FANCM: variants seen among roughly 807,000 people sequenced by gnomAD.
The protein encoded by FANCM is Fanconi anemia group M protein.
Under a neutral mutation model 199.5 loss-of-function variants are expected in FANCM, and 140 were observed. The observed-to-expected ratio is 0.70, with a 90% CI of 0.61 to 0.81. FANCM has a LOEUF of 0.81. Among genes scored for constraint, FANCM ranks in the 30% least tolerant of loss-of-function variants. FANCM has a pLI of 0.00. For synonymous variants in FANCM, 840 were observed against 836.8 expected, an observed-to-expected ratio of 1.00 and a Z score of -0.07; for missense variants, 2,410 against 2,421.4, an observed-to-expected ratio of 1.00 and a Z score of 0.10.
intron 18 of FANCM, among the ~76,000 whole-genome samples, chr14:45,185,757 T>G (rs888407599): frequency 2.0e-5 from 3 of 152,182 alleles, no homozygotes; most frequent in African/African-American, 7.2e-5. Context: ...ACAGACAATA[T>G]ATATACTAAC....
In FANCM at chr14:45,166,967, G is replaced by A. The variant is rs2139214083; in HGVS notation, c.1806G>A (p.Gln602=). The A allele has an allele frequency of 1.9e-6, 3 of 1,564,026 alleles. 1 individual carries two copies. Among genetic ancestry groups the A allele is most frequent in the African/African-American group, 2.7e-5 (2 of 73,952 alleles). Residue 602 remains glutamine, a synonymous_variant, in exon 11 of 23, where the codon CAG becomes CAA. Transcript: ENST00000267430. ...GREERIYNQS[Q]SNKRSIYKAI... ...TTTTACAGATTTATAATCAGAGTCA[G>A]TCCAACAAAAGAAGTATATATAAAG...
At chr14:45,164,859 T>G (rs1887854868) in intron 10 of FANCM, among the ~76,000 whole-genome samples, 1 of 152,232 alleles carries the variant, frequency 6.6e-6, no homozygotes, top group South Asian at 2.1e-4. Flanking sequence ...TTCCTGTGCT[T>G]CTAAAGAAGG....
Position 45,175,758 on chromosome 14 carries a change from A to T in FANCM, c.3004A>T (p.Ser1002Cys). 1 of 1,613,756 alleles carries T rather than the reference A, an allele frequency of 6.2e-7. No individual in the cohort carries two copies. Among genetic ancestry groups the T allele is most frequent in the Non-Finnish European group, 8.5e-7 (1 of 1,179,814 alleles). ...RFLSYSPPPL[S>C]GLSDLEYEIA... ...TTTATCTTATTCTCCTCCGCCTCTCAGTGGACTCTCAGACTTGGAATATGA... is the reference window on the plus strand; with the variant it reads ...TTTATCTTATTCTCCTCCGCCTCTCTGTGGACTCTCAGACTTGGAATATGA... The change falls in exon 14 of 23, where the codon AGT (serine) becomes TGT (cysteine). Residue 1002 changes from serine to cysteine, a missense_variant. Ser to Cys is a moderately radical substitution (Grantham distance 112, BLOSUM62 -1). Transcript: ENST00000267430.
At chr14:45,137,705 G>C (rs1001032394) in intron 2 of FANCM, 1 of 173,004 alleles carries the variant, frequency 5.8e-6, no homozygotes, top group Non-Finnish European at 1.3e-5. Flanking sequence ...AGATGAAGTA[G>C]TGGGATGTGG....
intron 2 of FANCM, among the ~76,000 whole-genome samples, chr14:45,139,576 T>C (rs1885764207): frequency 6.6e-6 from 1 of 152,246 alleles, no homozygotes; most frequent in African/African-American, 2.4e-5. Flanking sequence ...AACCAGAAAG[T>C]GCAGATGGTG....
At chr14:45,158,676 C>G (rs1053362775) in intron 8 of FANCM, among the ~76,000 whole-genome samples, 1 of 152,060 alleles carries the variant, frequency 6.6e-6, no homozygotes, top group Admixed American at 6.6e-5. Flanking sequence ...GCCATTATGC[C>G]TGAGTTGAAG....
intron 12 of FANCM, 50 bp downstream of exon 12, chr14:45,170,796 GC>G: frequency 6.9e-7 from 1 of 1,458,388 alleles, no homozygotes; most frequent in Non-Finnish European, 9.6e-7. Context: ...TCATTTTAAT[GC>G]CAGAACCCCT....
At chr14:45,170,552 T>C in intron 11 of FANCM, 37 bp from the exon 12 acceptor site, 1 of 1,517,516 alleles carries the variant, frequency 6.6e-7, no homozygotes, top group Non-Finnish European at 9.1e-7. Context: ...TGCAGATTTT[T>C]AAAAAGTCTC....
intron 8 of FANCM, among the ~76,000 whole-genome samples, chr14:45,158,158 A>G (rs964759954): frequency 2.0e-5 from 3 of 152,216 alleles, no homozygotes; most frequent in African/African-American, 7.2e-5. Context: ...TGATGGTGCC[A>G]CTGCATTCCA....
chr14:45,174,874 T>G (rs1445843393), intron 13 of FANCM, among the ~76,000 whole-genome samples, 197 bp from the exon 14 acceptor site: 1 of 152,138 alleles, frequency 6.6e-6, no homozygotes, highest in Non-Finnish European at 1.5e-5. Context: ...GTTAACTGAT[T>G]AATGATAACT....
At position 45,136,242 on chromosome 14, in the gene FANCM, G is replaced by C; in HGVS notation, c.211G>C (p.Glu71Gln). ...CGAGGCTGAGCGGCAGTTGTGTCTA[G>C]AGAATGGCGGGTTCTGCACCTCCGC... ...AYEAERQLCL[E>Q]NGGFCTSAGA... Residue 71 changes from glutamate (E) to glutamine (Q), a missense_variant, in exon 1 of 23, where the codon GAG becomes CAG. Coordinates refer to ENST00000267430, the MANE Select transcript of FANCM (RefSeq NM_020937.4). The C allele has an allele frequency of 6.2e-7, 1 of 1,614,162 alleles. No homozygotes were observed. The highest frequency in any genetic ancestry group is 8.5e-7 in the Non-Finnish European group (1 of 1,180,026).
chr14:45,175,129 C>T lies in FANCM; in HGVS notation c.2375C>T (p.Ser792Leu). 2 of 1,612,184 alleles carry T rather than the reference C, an allele frequency of 1.2e-6. No homozygotes were observed. The highest frequency in any genetic ancestry group is 1.7e-6 in the Non-Finnish European group (2 of 1,178,852). ...ESYLQMEDVT[S>L]TFIAPRNESN... ...TATTTACAAATGGAAGATGTTACCT[C>T]AACATTTATTGCTCCCAGGAATGAA... is the stretch of plus-strand genomic sequence containing the variant. Residue 792 changes from serine to leucine, a missense_variant, in exon 14 of 23, where the codon TCA becomes TTA. By Grantham distance (145) the Ser-to-Leu change is moderately radical (BLOSUM62 -2). Coordinates refer to ENST00000267430, the MANE Select transcript of FANCM (RefSeq NM_020937.4).
rs149695888 is a variant in FANCM, at chr14:45,173,315, G to A, written c.2316+105G>A. On this transcript the variant is annotated intron_variant, in intron 13 of 22. Transcript: ENST00000267430. ...GTAATAAGAAATACTTTGTTTTTCTGTATAGTTCCTTGTGATCTCAGTAAA... is the reference window on the plus strand; with the variant it reads ...GTAATAAGAAATACTTTGTTTTTCTATATAGTTCCTTGTGATCTCAGTAAA... 1.2e-5 allele frequency: 12 copies of A among 1,020,794 alleles called. No homozygotes were observed. The East Asian group carries it at 2.5e-4, about 21-fold the overall frequency. The allele number at this position is 1,020,794 out of a possible 1,614,324, so 63.2% of individuals were successfully genotyped here. A position where few individuals can be genotyped will look rare whatever the true frequency, so the allele number is the denominator to read the frequency against.
At position 45,169,404 on chromosome 14, in the gene FANCM, A is replaced by G. The variant is rs560238072; in HGVS notation, c.2003-1185A>G. 3.3e-5 allele frequency among the ~76,000 whole-genome samples: 5 copies of G among 149,270 alleles called. No individual in the cohort carries two copies. In the South Asian group the frequency reaches 8.5e-4, roughly 25 times the overall value. On this transcript the variant is annotated intron_variant, in intron 11 of 22. Coordinates refer to ENST00000267430, the MANE Select transcript of FANCM (RefSeq NM_020937.4). ...ATTTGTTTTTTTTTTTTCATTTTTA[A>G]TTTTTTATTTTTTACATTTTTAAAA...
At chr14:45,144,768 GA>G (rs2139134823) in intron 3 of FANCM, among the ~76,000 whole-genome samples, 1 of 152,332 alleles carries the variant, frequency 6.6e-6, no homozygotes, top group South Asian at 2.1e-4. Flanking sequence ...GACAGTTTCA[GA>G]AATGCTGTTC....
At position 45,200,596 on chromosome 14, in the gene FANCM, C is replaced by G. The variant is rs901266373; in HGVS notation, c.*588C>G. On this transcript the variant is annotated 3_prime_UTR_variant, in exon 23 of 23. Transcript: ENST00000267430. ...ACTCTGATATGGTTTGGCTGTGTCC[C>G]CAACCAAAATCTCATCTTGACTTGT... 1.3e-5 allele frequency: 2 copies of G among 152,216 alleles called. No homozygotes were observed. The highest frequency in any genetic ancestry group is 4.8e-5 in the African/African-American group (2 of 41,422). 9.4% of individuals were successfully genotyped at this position (152,216 alleles called of 1,614,324 possible). A position where few individuals can be genotyped will look rare whatever the true frequency, so the allele number is the denominator to read the frequency against.
At chr14:45,163,911 C>T (rs1887777114) in intron 9 of FANCM, among the ~76,000 whole-genome samples, 1 of 152,128 alleles carries the variant, frequency 6.6e-6, no homozygotes, top group Non-Finnish European at 1.5e-5. Flanking sequence ...TTGGTTGCTT[C>T]TTTTCCTATT....
At chr14:45,141,880 T>C (rs112588324) in intron 3 of FANCM, among the ~76,000 whole-genome samples, 24,351 of 151,350 alleles carry the variant, frequency 0.16, 3,681 homozygotes, top group African/African-American at 0.4. Context: ...TGAGCTACTA[T>C]GCCCAGCCCA....
At chr14:45,198,075 A>G (rs1020762661) in intron 21 of FANCM, among the ~76,000 whole-genome samples, 3 of 152,058 alleles carry the variant, frequency 2.0e-5, no homozygotes, top group Non-Finnish European at 4.4e-5. Context: ...TTTTAATTTG[A>G]AAAGTCAGGG....
Sources: gnomAD v4.1 joint callset for allele counts (sites outside exome capture counted in the v4.1 genomes callset) on GRCh38, gnomAD v4.1.1 for gene constraint, MANE v1.5 for transcripts, NCBI Gene and HGNC (gene_info 2026-07-23, HGNC 2026-07-21) for gene names.